The following WNK3 variants were observed in gnomAD, a reference collection of about 807,000 sequenced individuals.
The protein encoded by WNK3 is serine/threonine-protein kinase WNK3.
Under a neutral mutation model 116.7 loss-of-function variants are expected in WNK3, and 18 were observed. The observed-to-expected ratio is 0.15, with a 90% CI of 0.11 to 0.23. The LOEUF (loss-of-function observed/expected upper bound fraction) is 0.23. WNK3 is among the 10% of genes least tolerant of loss of function. The probability of loss-of-function intolerance (pLI) is 1.00; values close to 1 mark genes in which losing one functional copy is unlikely to be tolerated. For synonymous variants in WNK3, 404 were observed against 469.4 expected (o/e 0.86, Z 1.80); for missense variants, 993 against 1,323.8 (o/e 0.75, Z 3.88).
chrX:54,197,608 C>G (rs1429957667), exon 24 of WNK3: 1 of 109,149 alleles, frequency 9.2e-6, no homozygotes, highest in Non-Finnish European at 1.9e-5. Context: ...GCCTGTAGTC[C>G]CAGCTACTCA....
chrX:54,218,509 A>C (rs2067723709), intron 22 of WNK3, among the ~76,000 whole-genome samples: 1 of 109,176 alleles, frequency 9.2e-6, no homozygotes, highest in African/African-American at 3.3e-5. Flanking sequence ...AGAAATAATC[A>C]ACCAACAAGA....
chrX:54,295,813 G>A (rs782765285), intron 7 of WNK3, among the ~76,000 whole-genome samples: 21 of 111,032 alleles, frequency 1.9e-4, no homozygotes, highest in Non-Finnish European at 5.7e-5. Context: ...TCAGCCTCCC[G>A]AGTAGCTGGG....
chrX:54,318,697 T>A (rs1378365617), intron 2 of WNK3, among the ~76,000 whole-genome samples: 1 of 110,152 alleles, frequency 9.1e-6, no homozygotes, highest in Non-Finnish European at 1.9e-5. Context: ...CAAGACCCTG[T>A]CTTGAAAAAA....
At chrX:54,356,243 G>A (rs781813880) in intron 1 of WNK3, among the ~76,000 whole-genome samples, 2 of 111,653 alleles carry the variant, frequency 1.8e-5, no homozygotes, top group East Asian at 5.6e-4. Context: ...ACCAAAAAGC[G>A]AGTGCCAATT....
At chrX:54,229,994 AT>A (rs782493185) in intron 21 of WNK3, among the ~76,000 whole-genome samples, 1 of 111,754 alleles carries the variant, frequency 8.9e-6, no homozygotes, top group African/African-American at 3.2e-5. Context: ...CAAAATCACA[AT>A]TTTTAAAAAA....
intron 1 of WNK3, among the ~76,000 whole-genome samples, chrX:54,352,508 T>C (rs1024216710): frequency 4.5e-5 from 5 of 110,878 alleles, no homozygotes; most frequent in Non-Finnish European, 9.4e-5. Flanking sequence ...ACCTTGTCTC[T>C]ACCAAATGTA....
At chrX:54,327,035 AAC>A (rs1370568376) in intron 2 of WNK3, among the ~76,000 whole-genome samples, 1 of 111,553 alleles carries the variant, frequency 9.0e-6, no homozygotes, top group Non-Finnish European at 1.9e-5. Context: ...CAGCCTGGGC[AAC>A]AGAGCAAGAC....
chrX:54,252,378 A>G (rs1040920515), intron 13 of WNK3, among the ~76,000 whole-genome samples: 1 of 111,484 alleles, frequency 9.0e-6, no homozygotes, highest in African/African-American at 3.3e-5. Context: ...AACATCTCCA[A>G]AGAAAATAAA....
chrX:54,277,873 G>A (rs782122847), intron 10 of WNK3, among the ~76,000 whole-genome samples: 17 of 110,492 alleles, frequency 1.5e-4, no homozygotes, highest in Admixed American at 4.9e-4. Flanking sequence ...TGGGTGGACC[G>A]CTTGAGCCCG....
intron 1 of WNK3, among the ~76,000 whole-genome samples, chrX:54,334,311 T>C (rs781977165): frequency 1.2e-4 from 13 of 111,952 alleles, no homozygotes; most frequent in Non-Finnish European, 2.3e-4. Flanking sequence ...ATCACTACTA[T>C]CCATGCCCAG....
intron 10 of WNK3, among the ~76,000 whole-genome samples, chrX:54,274,924 T>C (rs782552890): frequency 2.8e-5 from 3 of 106,866 alleles, no homozygotes; most frequent in South Asian, 4.3e-4. Context: ...GGTAGGAGGA[T>C]TGCTTGAGCT....
intron 21 of WNK3, among the ~76,000 whole-genome samples, chrX:54,231,936 A>G (rs543058307): frequency 5.4e-5 from 6 of 110,578 alleles, no homozygotes; most frequent in African/African-American, 2.0e-4. Flanking sequence ...GTAGAGATTG[A>G]TGCTCTTATT....
intron 1 of WNK3, among the ~76,000 whole-genome samples, chrX:54,346,877 T>C (rs2069438970): frequency 8.9e-6 from 1 of 111,817 alleles, no homozygotes; most frequent in Non-Finnish European, 1.9e-5. Flanking sequence ...TAAAGTACTA[T>C]TCAACAATAC....
chrX:54,306,049 G>T (rs143151959), intron 5 of WNK3, among the ~76,000 whole-genome samples: 4 of 110,431 alleles, frequency 3.6e-5, no homozygotes, highest in African/African-American at 1.3e-4. Context: ...GGCAAGACTC[G>T]GTCTCAAAAA....
At chrX:54,235,820 A>C (rs1557149984) in intron 20 of WNK3, among the ~76,000 whole-genome samples, 1 of 112,235 alleles carries the variant, frequency 8.9e-6, no homozygotes, top group African/African-American at 3.2e-5. Context: ...AAATATAATG[A>C]TACAGATATA....
At chrX:54,338,148 C>T (rs1189625795) in intron 1 of WNK3, among the ~76,000 whole-genome samples, 6 of 110,671 alleles carry the variant, frequency 5.4e-5, no homozygotes, top group Non-Finnish European at 9.4e-5. Context: ...GGGCTGGGCA[C>T]GGTGGCTCAC....
At chrX:54,339,886 G>A (rs995107458) in intron 1 of WNK3, among the ~76,000 whole-genome samples, 2 of 111,763 alleles carry the variant, frequency 1.8e-5, no homozygotes, top group African/African-American at 6.5e-5. Context: ...TCGGCTGGGC[G>A]CGGTGGCTCA....
At chrX:54,350,317 G>A (rs1445392981) in intron 1 of WNK3, among the ~76,000 whole-genome samples, 1 of 110,075 alleles carries the variant, frequency 9.1e-6, no homozygotes. Flanking sequence ...GGCTGAGGCA[G>A]GAGAACGGCG....
intron 10 of WNK3, among the ~76,000 whole-genome samples, chrX:54,270,646 A>G (rs1557159053): frequency 9.2e-6 from 1 of 108,951 alleles, no homozygotes; most frequent in African/African-American, 3.3e-5. Flanking sequence ...TACATGTACC[A>G]TGGTGCTTTG....
Sources: gnomAD v4.1 joint callset for allele counts (sites outside exome capture counted in the v4.1 genomes callset) on GRCh38, gnomAD v4.1.1 for gene constraint, MANE v1.5 for transcripts, NCBI Gene and HGNC (gene_info 2026-07-23, HGNC 2026-07-21) for gene names.